The following BEND6 variants were observed in gnomAD, a reference collection of about 807,000 sequenced individuals.
BEND6 encodes BEN domain-containing protein 6.
In BEND6, 24 loss-of-function variants were observed where a neutral mutation model predicts 31.8. The observed-to-expected ratio is 0.75, with a 90% CI of 0.55 to 1.06. The LOEUF (loss-of-function observed/expected upper bound fraction) is 1.06, where lower values mean the gene tolerates loss of function less well. BEND6 is among the 50% of genes least tolerant of loss of function. The pLI is 0.00. For synonymous variants in BEND6, 109 were observed against 114.6 expected (o/e 0.95, Z 0.31); for missense variants, 294 against 327.4 (o/e 0.90, Z 0.79).
chr6:57,020,192 A>G (rs1418184795), intron 6 of BEND6, among the ~76,000 whole-genome samples: 1 of 152,098 alleles, frequency 6.6e-6, no homozygotes, highest in Admixed American at 6.5e-5. Context: ...TTATTAGATA[A>G]TTGCTTAAAT....
intron 1 of BEND6, among the ~76,000 whole-genome samples, chr6:56,959,426 T>C (rs1825212208): frequency 6.6e-6 from 1 of 152,240 alleles, no homozygotes; most frequent in South Asian, 2.1e-4. Flanking sequence ...TACATTGAAA[T>C]ATTACCCCTT....
intron 3 of BEND6, chr6:57,008,078 G>A: frequency 1.5e-6 from 1 of 677,444 alleles, no homozygotes; most frequent in South Asian, 1.6e-5. Context: ...TAGAAGGTCA[G>A]AGACAAAAAT....
At chr6:57,020,053 C>T (rs1827688632) in intron 6 of BEND6, among the ~76,000 whole-genome samples, 1 of 152,198 alleles carries the variant, frequency 6.6e-6, no homozygotes, top group Admixed American at 6.5e-5. Flanking sequence ...GTTGCCAGTG[C>T]ACTCCAGCCT....
At chr6:57,014,518 T>C (rs1219638844) in intron 3 of BEND6, 1 of 1,523,084 alleles carries the variant, frequency 6.6e-7, no homozygotes, top group Non-Finnish European at 8.8e-7. Flanking sequence ...CATGAAAACT[T>C]TGAATGTGTA....
intron 1 of BEND6, among the ~76,000 whole-genome samples, chr6:56,973,473 ATTTAT>A (rs1825762402): frequency 6.6e-6 from 1 of 152,198 alleles, no homozygotes; most frequent in Non-Finnish European, 1.5e-5. Flanking sequence ...ATAATGTTTA[ATTTAT>A]TAATTAGGCA....
intron 1 of BEND6, among the ~76,000 whole-genome samples, chr6:56,980,336 G>A (rs1279066338): frequency 6.6e-6 from 1 of 152,124 alleles, no homozygotes. Context: ...CTACAAGCGT[G>A]AGCCACCATG....
intron 1 of BEND6, among the ~76,000 whole-genome samples, chr6:56,979,217 A>T (rs899084841): frequency 1.3e-5 from 2 of 152,232 alleles, no homozygotes; most frequent in Admixed American, 1.3e-4. Flanking sequence ...TCAAAGTATG[A>T]CATGCTAAAA....
intron 1 of BEND6, among the ~76,000 whole-genome samples, chr6:56,977,068 C>A (rs1245754308): frequency 2.0e-5 from 3 of 152,088 alleles, no homozygotes; most frequent in Non-Finnish European, 4.4e-5. Flanking sequence ...ATTAGTGCAA[C>A]CAAAATAAAT....
Position 56,981,665 on chromosome 6 carries a change from C to T in BEND6, c.-100-46C>T, listed in dbSNP as rs76175142. ...GTGGCTAGTACCATTATGAAACATA[C>T]AGTTGTGAATATGTTATGTGTCATG... On this transcript the variant is annotated intron_variant, in intron 1 of 6. Coordinates refer to ENST00000370746, the MANE Select transcript of BEND6 (RefSeq NM_152731.3). The T allele has an allele frequency of 3.1e-5, 24 of 783,482 alleles. No homozygotes were observed. The East Asian group carries it at 6.9e-4, about 23-fold the overall frequency. 48.5% of individuals were successfully genotyped at this position (783,482 alleles called of 1,614,324 possible).
At chr6:56,988,308 G>A (rs978240592) in intron 2 of BEND6, among the ~76,000 whole-genome samples, 17 of 152,134 alleles carry the variant, frequency 1.1e-4, no homozygotes, top group South Asian at 4.2e-4. Flanking sequence ...GAGCCACCAC[G>A]CCCAGCCGTG....
chr6:56,962,091 T>C (rs1825306527), intron 1 of BEND6, among the ~76,000 whole-genome samples: 1 of 152,202 alleles, frequency 6.6e-6, no homozygotes, highest in South Asian at 2.1e-4. Context: ...GGATTTGTTA[T>C]AAAAGAGCTA....
intron 3 of BEND6, among the ~76,000 whole-genome samples, chr6:57,008,024 TATAGC>T (rs751273496): frequency 9.9e-5 from 15 of 152,228 alleles, no homozygotes; most frequent in East Asian, 9.6e-4. Context: ...CTTCATGCAG[TATAGC>T]ATTGGCCTAA....
intron 6 of BEND6, among the ~76,000 whole-genome samples, chr6:57,019,839 G>C (rs1461983370): frequency 7.2e-5 from 11 of 152,192 alleles, no homozygotes; most frequent in Admixed American, 7.2e-4. Context: ...CACGCCTGTA[G>C]TCCCAATGGT....
chr6:56,970,878 G>T (rs959559437), intron 1 of BEND6, among the ~76,000 whole-genome samples: 5 of 152,140 alleles, frequency 3.3e-5, no homozygotes, highest in African/African-American at 1.2e-4. Context: ...ATCTGCAGGG[G>T]AAAGTTTAAT....
chr6:57,001,749 C>T (rs1235342667), intron 3 of BEND6, among the ~76,000 whole-genome samples: 3 of 152,176 alleles, frequency 2.0e-5, no homozygotes, highest in Non-Finnish European at 2.9e-5. Flanking sequence ...GAGTTCTAAA[C>T]ATGTAAACAA....
chr6:57,017,773 G>A (rs1432374814), intron 5 of BEND6, among the ~76,000 whole-genome samples: 1 of 152,036 alleles, frequency 6.6e-6, no homozygotes, highest in Non-Finnish European at 1.5e-5. Flanking sequence ...CCTATTTATG[G>A]TTTTTAAATT....
At chr6:57,008,327 C>A (rs1366864502) in intron 3 of BEND6, 2 of 686,970 alleles carry the variant, frequency 2.9e-6, no homozygotes, top group Non-Finnish European at 5.3e-6. Flanking sequence ...TGGGCAGAAG[C>A]CCATGCAAGG....
At chr6:57,000,713 G>A (rs1188769873) in intron 3 of BEND6, among the ~76,000 whole-genome samples, 1 of 151,592 alleles carries the variant, frequency 6.6e-6, no homozygotes, top group East Asian at 1.9e-4. Flanking sequence ...AGAGGAAAGA[G>A]CAGGTGTGTT....
At chr6:56,967,717 C>T (rs1344735515) in intron 1 of BEND6, among the ~76,000 whole-genome samples, 1 of 152,122 alleles carries the variant, frequency 6.6e-6, no homozygotes, top group South Asian at 2.1e-4. Context: ...CAAACTTAGG[C>T]AAGGAGGGCC....
Sources: allele counts gnomAD v4.1 joint callset (sites outside exome capture counted in the v4.1 genomes callset), GRCh38; gene constraint gnomAD v4.1.1; transcripts MANE v1.5; gene names NCBI Gene and HGNC (gene_info 2026-07-23, HGNC 2026-07-21).